The following RAB11FIP3 variants were observed in gnomAD, a reference collection of about 807,000 sequenced individuals.
RAB11FIP3 encodes the protein RAB11 family interacting protein 3.
In RAB11FIP3, 17 loss-of-function variants were observed where a neutral mutation model predicts 77.8. The ratio of observed to expected loss-of-function variants is 0.22; its 90% CI spans 0.15 to 0.33. The LOEUF is 0.33. Ranked by LOEUF, RAB11FIP3 falls within the 10% of genes least tolerant of loss-of-function variation. RAB11FIP3 has a pLI of 1.00. For synonymous variants in RAB11FIP3, 437 were observed against 448.2 expected (o/e 0.98, Z 0.31); for missense variants, 1,005 against 1,011.2 (o/e 0.99, Z 0.08).
At chr16:435,068 A>C (rs1172015067) in intron 1 of RAB11FIP3, among the ~76,000 whole-genome samples, 1 of 151,884 alleles carries the variant, frequency 6.6e-6, no homozygotes, top group Non-Finnish European at 1.5e-5. Flanking sequence ...AGCCGGGCGT[A>C]GTGGCGGGTG....
intron 2 of RAB11FIP3, among the ~76,000 whole-genome samples, chr16:462,584 TTTCCTCAGCACGATCCC>T (rs2055626085): frequency 2.3e-5 from 2 of 85,520 alleles, no homozygotes; most frequent in Non-Finnish European, 5.2e-5. Context: ...ACTTGGCTTC[TTTCCTCAGCACGATCCC>T]TTCCCCAGCA....
intron 3 of RAB11FIP3, among the ~76,000 whole-genome samples, chr16:473,566 C>T (rs550339569): frequency 1.3e-5 from 2 of 152,126 alleles, no homozygotes; most frequent in African/African-American, 4.8e-5. Flanking sequence ...TTTCCAGTGG[C>T]TGGGACCACA....
At chr16:445,181 C>G (rs2055293917) in intron 1 of RAB11FIP3, among the ~76,000 whole-genome samples, 2 of 146,742 alleles carry the variant, frequency 1.4e-5, no homozygotes, top group South Asian at 4.3e-4. Context: ...ACATGTAATC[C>G]AAGCACTTTA....
intron 5 of RAB11FIP3, among the ~76,000 whole-genome samples, chr16:491,638 G>A (rs2030201253): frequency 6.6e-6 from 1 of 152,282 alleles, no homozygotes. Flanking sequence ...TATGTAAACA[G>A]CTTTCAGGAT....
At chr16:495,122 G>GCAAA (rs372518847) in intron 5 of RAB11FIP3, among the ~76,000 whole-genome samples, 310 of 152,164 alleles carry the variant, frequency 2.0e-3, no homozygotes, top group African/African-American at 7.2e-3. Flanking sequence ...AAAAGATAAT[G>GCAAA]CAAACAAACA....
intron 7 of RAB11FIP3, among the ~76,000 whole-genome samples, chr16:504,168 CAT>C: frequency 1.3e-5 from 1 of 78,934 alleles, no homozygotes; most frequent in South Asian, 5.3e-4. Flanking sequence ...CTTGCACTCC[CAT>C]CTCCTCCTGT....
chr16:481,830 A>C (rs1234480167), intron 3 of RAB11FIP3, among the ~76,000 whole-genome samples: 6 of 70,638 alleles, frequency 8.5e-5, no homozygotes, highest in African/African-American at 2.8e-4. Flanking sequence ...ACCTACAGGC[A>C]GGTGCCACCA....
chr16:483,151 C>T (rs781129969), intron 4 of RAB11FIP3, among the ~76,000 whole-genome samples: 4 of 152,082 alleles, frequency 2.6e-5, no homozygotes, highest in East Asian at 3.9e-4. Flanking sequence ...TAGTTGGGGC[C>T]GGAGTAGAGG....
intron 6 of RAB11FIP3, 63 bp downstream of exon 6, chr16:496,922 T>TA (rs1567397040): frequency 1.9e-5 from 27 of 1,446,086 alleles, no homozygotes; most frequent in South Asian, 1.6e-4. Context: ...CATAGTTTTT[T>TA]AAAAAACATT....
chr16:426,551 C>A lies in RAB11FIP3; in HGVS notation c.545C>A (p.Pro182Gln). The A allele has an allele frequency of 6.3e-7, 1 of 1,581,144 alleles. No homozygotes were observed. Residue 182 changes from proline (P) to glutamine (Q), a missense_variant, in exon 1 of 14, where the codon CCG becomes CAG. Physicochemically the swap from Pro to Gln is moderately conservative, Grantham distance 76. Coordinates refer to ENST00000262305, the MANE Select transcript of RAB11FIP3 (RefSeq NM_014700.4). The surrounding 1 kb of genome is among the most constrained non-coding windows in gnomAD (Gnocchi z 5.0). ...LALEQGPGSPPQPSDLSQTHP... is the reference protein window; with the variant it reads ...LALEQGPGSPQQPSDLSQTHP... ...CTGGAGCAAGGTCCCGGGTCCCCGC[C>A]GCAGCCCTCGGACCTCAGCCAGACC...
chr16:510,633 G>A (rs1438013025), intron 8 of RAB11FIP3, 27 bp from the exon 9 acceptor site: 3 of 1,572,868 alleles, frequency 1.9e-6, no homozygotes, highest in Non-Finnish European at 2.6e-6. Context: ...CCTGGAGACA[G>A]CTCAGCTCCT....
At chr16:428,315 G>A (rs1026166107) in intron 1 of RAB11FIP3, among the ~76,000 whole-genome samples, 5 of 152,294 alleles carry the variant, frequency 3.3e-5, no homozygotes, top group Admixed American at 3.3e-4. Flanking sequence ...TATGGTCAGC[G>A]TGGATGGTGG....
intron 4 of RAB11FIP3, among the ~76,000 whole-genome samples, chr16:488,587 T>A (rs1456327222): frequency 6.6e-6 from 1 of 152,046 alleles, no homozygotes; most frequent in Admixed American, 6.6e-5. Context: ...TTAAAAATGT[T>A]TTTTGCAGTT....
chr16:439,024 C>G (rs1195721664), intron 1 of RAB11FIP3, among the ~76,000 whole-genome samples: 1 of 152,126 alleles, frequency 6.6e-6, no homozygotes, highest in Non-Finnish European at 1.5e-5. Flanking sequence ...TGCTCTGTCA[C>G]CCAGGTAGGA....
chr16:439,411 C>A (rs2055187962), intron 1 of RAB11FIP3: 1 of 152,196 alleles, frequency 6.6e-6, no homozygotes, highest in Non-Finnish European at 1.5e-5. Flanking sequence ...CTTGTTTTAG[C>A]AAATTGGTAT....
At position 442,292 on chromosome 16, in the gene RAB11FIP3, A is replaced by G. The variant is rs371220711; in HGVS notation, c.714+15572A>G. 3.3e-5 allele frequency among the ~76,000 whole-genome samples: 5 copies of G among 152,164 alleles called. No homozygotes were observed. In the East Asian group the frequency reaches 9.6e-4, roughly 29 times the overall value. ...GTAGGTGGGACTCCTGGCCCATGCC[A>G]CTGCACCCAGCTTATGATGCTGGTT... On this transcript the variant is annotated intron_variant, in intron 1 of 13. Transcript: ENST00000262305.
At chr16:510,136 CGTT>C (rs1471440046) in intron 8 of RAB11FIP3, among the ~76,000 whole-genome samples, 1 of 144,726 alleles carries the variant, frequency 6.9e-6, no homozygotes, top group Non-Finnish European at 1.5e-5. Context: ...TGAGCGCACT[CGTT>C]GTGTGTAGTG....
intron 5 of RAB11FIP3, among the ~76,000 whole-genome samples, chr16:494,360 T>G (rs1164627351): frequency 6.6e-6 from 1 of 151,624 alleles, no homozygotes; most frequent in Non-Finnish European, 1.5e-5. Flanking sequence ...CGGTGGCTCA[T>G]GCCCGTAATC....
At chr16:477,979 C>T (rs2055953501) in intron 3 of RAB11FIP3, among the ~76,000 whole-genome samples, 4 of 152,266 alleles carry the variant, frequency 2.6e-5, no homozygotes, top group South Asian at 2.1e-4. Context: ...TTATAACCCC[C>T]GTTTGCGGCA....
Sources: gnomAD v4.1 joint callset for allele counts (sites outside exome capture counted in the v4.1 genomes callset) on GRCh38, gnomAD v4.1.1 for gene constraint, Gnocchi (gnomAD v3.1) non-coding constraint, MANE v1.5 for transcripts, NCBI Gene and HGNC (gene_info 2026-07-23, HGNC 2026-07-21) for gene names.